Variants in ST3GAL1 observed in about 807,000 individuals in gnomAD.
The protein encoded by ST3GAL1 is ST3 beta-galactoside alpha-2,3-sialyltransferase 1.
A neutral mutation model predicts 34.1 loss-of-function variants in ST3GAL1; 16 were observed. The observed-to-expected ratio is 0.47, with a 90% confidence interval of 0.32 to 0.71. The LOEUF is 0.71. Among genes scored for constraint, ST3GAL1 ranks in the 30% least tolerant of loss-of-function variants. The pLI is 0.04. For synonymous variants in ST3GAL1, 191 were observed against 184.7 expected, an observed-to-expected ratio of 1.03 and a Z score of -0.28; for missense variants, 353 against 447.4, an observed-to-expected ratio of 0.79 and a Z score of 1.90.
chr8:133,520,693 C>G (rs746001190), intron 2 of ST3GAL1, among the ~76,000 whole-genome samples: 1 of 152,088 alleles, frequency 6.6e-6, no homozygotes, highest in Non-Finnish European at 1.5e-5. Flanking sequence ...TACGTAATTC[C>G]CCTTTTCGGA....
At chr8:133,471,883 G>T (rs948896474) in intron 5 of ST3GAL1, among the ~76,000 whole-genome samples, 8 of 151,986 alleles carry the variant, frequency 5.3e-5, no homozygotes, top group African/African-American at 1.7e-4. Context: ...AGGGCAGGGG[G>T]CGGAAATCAG....
intron 1 of ST3GAL1, among the ~76,000 whole-genome samples, chr8:133,562,071 C>T (rs947658077): frequency 7.2e-5 from 11 of 151,946 alleles, no homozygotes; most frequent in African/African-American, 2.2e-4. Context: ...CAGAGCAAGA[C>T]CCTGTCTCCA....
chr8:133,517,609 C>T (rs1039505941), intron 2 of ST3GAL1, among the ~76,000 whole-genome samples: 1 of 152,200 alleles, frequency 6.6e-6, no homozygotes, highest in Non-Finnish European at 1.5e-5. Context: ...TTTGGCCTTC[C>T]CAAGTGCTGG....
At chr8:133,488,528 T>G (rs1280227711) in intron 3 of ST3GAL1, 1 of 152,244 alleles carries the variant, frequency 6.6e-6, no homozygotes, top group African/African-American at 2.4e-5. Context: ...CCACCAGGTT[T>G]TGAACCTGGC....
intron 5 of ST3GAL1, 99 bp downstream of exon 5, chr8:133,475,619 GC>G: frequency 7.4e-7 from 1 of 1,351,684 alleles, no homozygotes; most frequent in African/African-American, 1.5e-5. Context: ...TTCAGCCCAG[GC>G]CTCCCACTCT....
intron 4 of ST3GAL1, 60 bp from the exon 5 acceptor site, chr8:133,476,134 G>T: frequency 7.9e-7 from 1 of 1,267,088 alleles, no homozygotes; most frequent in Non-Finnish European, 1.1e-6. Flanking sequence ...CAAAAGGGAT[G>T]GCAGGAATTC....
At chr8:133,478,621 G>A (rs1366427639) in intron 3 of ST3GAL1, among the ~76,000 whole-genome samples, 1 of 152,176 alleles carries the variant, frequency 6.6e-6, no homozygotes, top group East Asian at 1.9e-4. Flanking sequence ...CCCTGCTCAG[G>A]CTGTCCCCAC....
At chr8:133,568,524 T>C (rs140803405) in intron 1 of ST3GAL1, among the ~76,000 whole-genome samples, 1,547 of 152,336 alleles carry the variant, frequency 0.01, 30 homozygotes, top group African/African-American at 0.029. Context: ...CACACAGGCA[T>C]GCAGAACTCA....
intron 3 of ST3GAL1, among the ~76,000 whole-genome samples, chr8:133,494,184 C>T (rs1368805710): frequency 6.6e-6 from 1 of 152,160 alleles, no homozygotes; most frequent in Non-Finnish European, 1.5e-5. Flanking sequence ...TACAAGACCC[C>T]ACAATATGCC....
intron 2 of ST3GAL1, among the ~76,000 whole-genome samples, chr8:133,544,647 C>G (rs1288616550): frequency 1.3e-5 from 2 of 152,156 alleles, no homozygotes; most frequent in Non-Finnish European, 2.9e-5. Context: ...GGCCCCTGAC[C>G]TACCTGTGAC....
intron 2 of ST3GAL1, among the ~76,000 whole-genome samples, chr8:133,531,522 G>A (rs1425155911): frequency 6.6e-6 from 1 of 152,254 alleles, no homozygotes; most frequent in East Asian, 1.9e-4. Context: ...TGGTAACCCA[G>A]TGGGCTGCAA....
intron 2 of ST3GAL1, among the ~76,000 whole-genome samples, chr8:133,529,016 C>G (rs192414661): frequency 7.3e-4 from 111 of 152,346 alleles, no homozygotes; most frequent in African/African-American, 2.4e-3. Flanking sequence ...ACATGGGGCT[C>G]TGCAACTAAC....
chr8:133,468,321 G>A (rs1256620438), intron 5 of ST3GAL1, among the ~76,000 whole-genome samples: 1 of 152,148 alleles, frequency 6.6e-6, no homozygotes, highest in Non-Finnish European at 1.5e-5. Context: ...AACATGGATG[G>A]ACCTTGAAAA....
At chr8:133,482,890 A>G (rs1337429926) in intron 3 of ST3GAL1, among the ~76,000 whole-genome samples, 2 of 152,220 alleles carry the variant, frequency 1.3e-5, no homozygotes, top group African/African-American at 4.8e-5. Flanking sequence ...CTAGTGGATC[A>G]TGGCCAACAG....
At chr8:133,484,493 C>A (rs536572807) in intron 3 of ST3GAL1, among the ~76,000 whole-genome samples, 1 of 152,154 alleles carries the variant, frequency 6.6e-6, no homozygotes, top group African/African-American at 2.4e-5. Flanking sequence ...AATGTCTAAA[C>A]GTTTCTTTCC....
chr8:133,557,582 A>T lies in ST3GAL1; in HGVS notation c.-581-11656T>A, dbSNP rs557766811. 5.3e-5 allele frequency among the ~76,000 whole-genome samples: 8 copies of T among 152,132 alleles called. No homozygotes were observed. In the East Asian group the frequency reaches 1.4e-3, roughly 26 times the overall value. On this transcript the variant is annotated intron_variant, in intron 1 of 9. Transcript: ENST00000522652. ...TGTAAAATAAAGAGGCCGTGGTCTG[A>T]CTCACACCTGTAATCCCAGCACTTT...
intron 5 of ST3GAL1, among the ~76,000 whole-genome samples, chr8:133,471,207 T>C (rs1289364786): frequency 6.6e-6 from 1 of 152,126 alleles, no homozygotes; most frequent in Non-Finnish European, 1.5e-5. Context: ...GACACAAGCA[T>C]GCTAGGTAGT....
Position 133,461,856 on chromosome 8 carries a change from C to T in ST3GAL1, c.849+19G>A, listed in dbSNP as rs1228931113. On this transcript the variant is annotated intron_variant, in intron 9 of 9. Coordinates refer to ENST00000522652, the MANE Select transcript of ST3GAL1 (RefSeq NM_173344.3). The surrounding 1 kb of genome is among the most constrained non-coding windows in gnomAD (Gnocchi z 4.7). ...GTGAGCTTCGAGGCAGCCCTGTGGGCAGGGGGAGGGTGGCATACCTCATCG... is the reference window on the plus strand; with the variant it reads ...GTGAGCTTCGAGGCAGCCCTGTGGGTAGGGGGAGGGTGGCATACCTCATCG... The T allele has an allele frequency of 6.2e-7, 1 of 1,613,622 alleles. No individual in the cohort carries two copies. The highest frequency in any genetic ancestry group is 8.5e-7 in the Non-Finnish European group (1 of 1,179,744).
intron 3 of ST3GAL1, among the ~76,000 whole-genome samples, chr8:133,485,456 T>C (rs555574842): frequency 1.3e-5 from 2 of 152,296 alleles, no homozygotes; most frequent in South Asian, 4.1e-4. Context: ...GCCCAAACCC[T>C]GGAGGTCCCC....
Sources: allele counts gnomAD v4.1 joint callset (sites outside exome capture counted in the v4.1 genomes callset), GRCh38; gene constraint gnomAD v4.1.1; non-coding constraint Gnocchi (gnomAD v3.1); transcripts MANE v1.5; gene names NCBI Gene and HGNC (gene_info 2026-07-23, HGNC 2026-07-21).